The following FOXP1 variants were observed in gnomAD, a reference collection of about 807,000 sequenced individuals.
FOXP1 encodes forkhead box P1.
Under a neutral mutation model 98.2 loss-of-function variants are expected in FOXP1, and 15 were observed. The observed-to-expected ratio is 0.15, with a 90% CI of 0.10 to 0.24. FOXP1 has a LOEUF of 0.24. Ranked by LOEUF, FOXP1 falls within the 10% of genes least tolerant of loss-of-function variation. The pLI is 1.00. For synonymous variants in FOXP1, 371 were observed against 314.5 expected (o/e 1.18, Z -1.90); for missense variants, 633 against 848.5 (o/e 0.75, Z 3.15).
chr3:71,357,581 T>C (rs2078249625), intron 4 of FOXP1, among the ~76,000 whole-genome samples: 2 of 152,192 alleles, frequency 1.3e-5, no homozygotes, highest in African/African-American at 4.8e-5. Flanking sequence ...ATTGTTCAAG[T>C]CTAAGGATGC....
intron 5 of FOXP1, among the ~76,000 whole-genome samples, chr3:71,268,479 T>G (rs1031930183): frequency 6.6e-6 from 1 of 151,988 alleles, no homozygotes; most frequent in Non-Finnish European, 1.5e-5. Flanking sequence ...ATGAGCCAAG[T>G]AATTAAAACC....
At chr3:71,386,475 G>C (rs998486497) in intron 3 of FOXP1, among the ~76,000 whole-genome samples, 3 of 152,140 alleles carry the variant, frequency 2.0e-5, no homozygotes. Context: ...CTGTGCGGTG[G>C]CTCATGCCTG....
chr3:71,392,866 G>A (rs1363472963), intron 3 of FOXP1, among the ~76,000 whole-genome samples: 1 of 152,096 alleles, frequency 6.6e-6, no homozygotes, highest in Non-Finnish European at 1.5e-5. Flanking sequence ...TTACCGTTTG[G>A]AAGGGATTAA....
At chr3:71,362,253 C>T (rs1030236843) in intron 3 of FOXP1, among the ~76,000 whole-genome samples, 1 of 152,200 alleles carries the variant, frequency 6.6e-6, no homozygotes, top group African/African-American at 2.4e-5. Flanking sequence ...CTCACTGCAA[C>T]CTCCACCTCC....
intron 4 of FOXP1, chr3:71,333,658 A>G (rs1168433539): frequency 1.3e-5 from 2 of 152,000 alleles, no homozygotes; most frequent in Non-Finnish European, 2.9e-5. Flanking sequence ...CGCTGTCCCC[A>G]CAAAAAAATA....
At chr3:71,155,794 T>C (rs892951294) in intron 6 of FOXP1, among the ~76,000 whole-genome samples, 2 of 152,232 alleles carry the variant, frequency 1.3e-5, no homozygotes, top group Admixed American at 1.3e-4. Context: ...TTCAGGATAC[T>C]GTATCCTGCT....
At chr3:71,059,719 A>T (rs2051208284) in intron 7 of FOXP1, among the ~76,000 whole-genome samples, 1 of 152,154 alleles carries the variant, frequency 6.6e-6, no homozygotes, top group Non-Finnish European at 1.5e-5. Context: ...TTATATTAAC[A>T]ACAACAACAA....
At chr3:71,198,908 G>A (rs1334092097) in intron 5 of FOXP1, among the ~76,000 whole-genome samples, 3 of 151,906 alleles carry the variant, frequency 2.0e-5, no homozygotes, top group Non-Finnish European at 4.4e-5. Context: ...ATGTTGGTTA[G>A]GCTGGTCTCA....
chr3:71,414,665 G>A (rs1320380700), intron 3 of FOXP1, among the ~76,000 whole-genome samples: 1 of 152,222 alleles, frequency 6.6e-6, no homozygotes, highest in Non-Finnish European at 1.5e-5. Flanking sequence ...GGGAGTAAGG[G>A]GAGAGGGCAC....
chr3:71,041,373 G>A lies in FOXP1; in HGVS notation c.824C>T (p.Ala275Val), dbSNP rs914703084. ...GACTGAGAGCTGTCCATTGGTAGAG[G>A]CATGTGGGTTCATTATTAAGGAGGT... ...SKTSLIMNPHASTNGQLSVHT... is the reference protein window; with the variant it reads ...SKTSLIMNPHVSTNGQLSVHT... The change falls in exon 11 of 21, where the codon GCC (alanine) becomes GTC (valine). Residue 275 changes from alanine (A) to valine (V), a missense_variant. By Grantham distance (64) the Ala-to-Val change is moderately conservative. Coordinates refer to ENST00000649528, the MANE Select transcript of FOXP1 (RefSeq NM_001349338.3). The A allele has an allele frequency of 1.2e-6, 2 of 1,613,620 alleles. No homozygotes were observed. Among genetic ancestry groups the A allele is most frequent in the Admixed American group, 1.7e-5 (1 of 59,966 alleles).
At chr3:71,236,622 C>T (rs1338650938) in intron 5 of FOXP1, among the ~76,000 whole-genome samples, 2 of 152,162 alleles carry the variant, frequency 1.3e-5, no homozygotes, top group Non-Finnish European at 2.9e-5. Context: ...GTAATCCCAA[C>T]ACTTTGGGAG....
chr3:71,518,980 T>C (rs2042778822), intron 2 of FOXP1, among the ~76,000 whole-genome samples: 1 of 152,198 alleles, frequency 6.6e-6, no homozygotes, highest in African/African-American at 2.4e-5. Flanking sequence ...GTGCGGTGGC[T>C]CACGCCTGTA....
chr3:70,956,732 G>GTTT lies in FOXP1; in HGVS notation c.*2512_*2514dup, dbSNP rs142956636. 7.4e-3 allele frequency: 244 copies of GTTT among 32,802 alleles called. 48 individuals carry two copies. The highest frequency in any genetic ancestry group is 0.01 in the Non-Finnish European group (165 of 16,444). The allele number at this position is 32,802 out of a possible 1,614,324, so 2.0% of individuals were successfully genotyped here. ...GCACATCATGAAGCTGCCTGGAAAA[G>GTTT]TTTTTTTTTTTTTTTTTTTTTTTTT... On this transcript the variant is annotated 3_prime_UTR_variant, in exon 21 of 21. Coordinates refer to ENST00000649528, the MANE Select transcript of FOXP1 (RefSeq NM_001349338.3).
At chr3:71,063,465 A>C (rs2051829486) in intron 7 of FOXP1, among the ~76,000 whole-genome samples, 1 of 152,246 alleles carries the variant, frequency 6.6e-6, no homozygotes, top group Non-Finnish European at 1.5e-5. Context: ...TTACCACATA[A>C]ACCACCTCTG....
At chr3:71,007,250 G>A (rs1231090905) in intron 12 of FOXP1, among the ~76,000 whole-genome samples, 1 of 152,056 alleles carries the variant, frequency 6.6e-6, no homozygotes, top group Non-Finnish European at 1.5e-5. Flanking sequence ...CAGATCTGAT[G>A]GGGAAAATTT....
intron 5 of FOXP1, among the ~76,000 whole-genome samples, chr3:71,279,833 T>C (rs183444992): frequency 5.9e-5 from 9 of 152,060 alleles, no homozygotes; most frequent in Admixed American, 2.0e-4. Context: ...CCAATAAAAA[T>C]AGAATGCAGG....
At chr3:71,278,564 C>T (rs2071166930) in intron 5 of FOXP1, among the ~76,000 whole-genome samples, 1 of 152,016 alleles carries the variant, frequency 6.6e-6, no homozygotes, top group African/African-American at 2.4e-5. Flanking sequence ...AGGCAGATCA[C>T]AAGGTCAGGA....
At chr3:71,177,711 A>T (rs2062022168) in intron 6 of FOXP1, among the ~76,000 whole-genome samples, 2 of 152,154 alleles carry the variant, frequency 1.3e-5, no homozygotes, top group South Asian at 2.1e-4. Flanking sequence ...GAACTGTACT[A>T]ACACAGGTAC....
chr3:71,109,139 C>A (rs753351263), intron 7 of FOXP1, among the ~76,000 whole-genome samples: 13 of 152,118 alleles, frequency 8.5e-5, no homozygotes, highest in Non-Finnish European at 1.9e-4. Context: ...ATTAATAAAC[C>A]ACATCACCCA....
Sources: gnomAD v4.1 joint callset for allele counts (sites outside exome capture counted in the v4.1 genomes callset) on GRCh38, gnomAD v4.1.1 for gene constraint, MANE v1.5 for transcripts, NCBI Gene and HGNC (gene_info 2026-07-23, HGNC 2026-07-21) for gene names.